WWOX: variants seen among roughly 807,000 people sequenced by gnomAD.
WWOX encodes WW domain containing oxidoreductase.
Under a neutral mutation model 46.2 loss-of-function variants are expected in WWOX, and 69 were observed. The ratio of observed to expected loss-of-function variants is 1.49; its 90% CI spans 1.23 to 1.82. The LOEUF is 1.82. Ranked by LOEUF, WWOX falls within the 40% of genes most tolerant of loss-of-function variation. The pLI, the probability that WWOX is intolerant of heterozygous loss-of-function variation, is 0.00. For missense variants in WWOX, 919 were observed against 542.6 expected (o/e 1.69, Z -6.89); for synonymous variants, 359 against 202.6 (o/e 1.77, Z -6.56).
chr16:78,416,874 G>A (rs2082809184), intron 6 of WWOX, among the ~76,000 whole-genome samples: 1 of 152,196 alleles, frequency 6.6e-6, no homozygotes, highest in Non-Finnish European at 1.5e-5. Context: ...AGTTTACAGG[G>A]GAGGACACAG....
At chr16:78,581,815 G>C (rs1396069911) in intron 8 of WWOX, among the ~76,000 whole-genome samples, 2 of 152,124 alleles carry the variant, frequency 1.3e-5, no homozygotes, top group Admixed American at 1.3e-4. Context: ...CCAACTAGTA[G>C]TGTAAGTTGA....
intron 5 of WWOX, among the ~76,000 whole-genome samples, chr16:78,182,796 C>A (rs1683492086): frequency 6.6e-6 from 1 of 151,714 alleles, no homozygotes; most frequent in Non-Finnish European, 1.5e-5. Flanking sequence ...ACTAAAAATA[C>A]AAAAATTAGC....
At chr16:78,743,603 ACTCC>A (rs2049281163) in intron 8 of WWOX, among the ~76,000 whole-genome samples, 1 of 152,072 alleles carries the variant, frequency 6.6e-6, no homozygotes, top group African/African-American at 2.4e-5. Context: ...ACCAGAGGCT[ACTCC>A]CTCTGCAACC....
intron 8 of WWOX, among the ~76,000 whole-genome samples, chr16:78,594,368 T>A (rs780391122): frequency 2.1e-5 from 3 of 144,654 alleles, no homozygotes; most frequent in Non-Finnish European, 3.0e-5. Flanking sequence ...TTGCATTTGC[T>A]GCAGCAAAAC....
chr16:78,668,535 A>T (rs188610514), intron 8 of WWOX, among the ~76,000 whole-genome samples: 1 of 152,178 alleles, frequency 6.6e-6, no homozygotes, highest in African/African-American at 2.4e-5. Context: ...GGAACAAACA[A>T]TTAGAACATT....
chr16:79,048,590 C>G (rs2048109081), intron 8 of WWOX, among the ~76,000 whole-genome samples: 1 of 152,188 alleles, frequency 6.6e-6, no homozygotes, highest in Non-Finnish European at 1.5e-5. Flanking sequence ...CTGCCATTAA[C>G]ATAACGTATG....
chr16:78,305,657 C>G (rs534183457), intron 5 of WWOX, among the ~76,000 whole-genome samples: 5 of 151,926 alleles, frequency 3.3e-5, no homozygotes, highest in African/African-American at 1.2e-4. Flanking sequence ...AATGAAAAGC[C>G]CCTTTCTTGT....
chr16:78,417,014 G>C (rs58063855), intron 6 of WWOX, among the ~76,000 whole-genome samples: 10,273 of 149,678 alleles, frequency 0.069, 1,144 homozygotes, highest in African/African-American at 0.24. Context: ...TTGTGCAGTA[G>C]CCTTGAAGTC....
intron 5 of WWOX, among the ~76,000 whole-genome samples, chr16:78,382,739 G>A (rs1028165004): frequency 2.6e-5 from 4 of 152,142 alleles, no homozygotes; most frequent in Non-Finnish European, 4.4e-5. Context: ...ACAGTTCTAT[G>A]TCTTGAATGT....
At chr16:78,644,984 C>G (rs1051673417) in intron 8 of WWOX, among the ~76,000 whole-genome samples, 1 of 152,200 alleles carries the variant, frequency 6.6e-6, no homozygotes, top group Non-Finnish European at 1.5e-5. Context: ...TTTGGTTCTA[C>G]TCTTCAATGA....
chr16:79,198,998 CTG>C (rs1484889297), intron 8 of WWOX, among the ~76,000 whole-genome samples: 1 of 152,192 alleles, frequency 6.6e-6, no homozygotes. Context: ...GCTCCTAACT[CTG>C]TCACTTGCTC....
chr16:79,197,959 A>C (rs2051272596), intron 8 of WWOX, among the ~76,000 whole-genome samples: 1 of 152,192 alleles, frequency 6.6e-6, no homozygotes, highest in Non-Finnish European at 1.5e-5. Context: ...TGGGGCAGTT[A>C]TAAATCTTCC....
intron 8 of WWOX, among the ~76,000 whole-genome samples, chr16:78,817,647 T>C (rs113374930): frequency 0.044 from 6,709 of 152,280 alleles, 189 homozygotes; most frequent in Non-Finnish European, 0.064. Context: ...TTAAGTCCTG[T>C]ACTCCTGGGT....
At chr16:78,673,783 T>C (rs1007628590) in intron 8 of WWOX, among the ~76,000 whole-genome samples, 1 of 152,220 alleles carries the variant, frequency 6.6e-6, no homozygotes, top group Non-Finnish European at 1.5e-5. Context: ...TACAACCCTT[T>C]CTTTGATGTC....
intron 7 of WWOX, 32 bp from the exon 8 acceptor site, chr16:78,432,456 G>A (rs370298271): frequency 3.2e-5 from 51 of 1,611,758 alleles, no homozygotes; most frequent in Middle Eastern, 1.6e-4. Flanking sequence ...GTCAGAACTT[G>A]GTTGCTTCAT....
intron 8 of WWOX, among the ~76,000 whole-genome samples, chr16:78,727,795 T>TG (rs2048871418): frequency 1.3e-5 from 2 of 152,100 alleles, no homozygotes; most frequent in African/African-American, 4.8e-5. Flanking sequence ...AGACAGGGAA[T>TG]GGTAGAGTGT....
chr16:78,115,922 G>C (rs759813673), intron 4 of WWOX, among the ~76,000 whole-genome samples: 6 of 152,098 alleles, frequency 3.9e-5, no homozygotes, highest in Non-Finnish European at 7.4e-5. Context: ...AGTTCTCTCT[G>C]TCCTTTTGGT....
chr16:78,318,249 T>G lies in WWOX; in HGVS notation c.517-68611T>G, dbSNP rs1257711352. ...CCCAGAAGCAGCCTACAGAAACTCT[T>G]AGGAGCCCTCCGTCTGGGAGGAATT... On this transcript the variant is annotated intron_variant, in intron 5 of 8. Coordinates refer to ENST00000566780, the MANE Select transcript of WWOX (RefSeq NM_016373.4). Among the ~76,000 whole-genome samples the G allele has an allele frequency of 2.0e-5, 3 of 149,610 alleles. No individual in the cohort carries two copies. The East Asian group carries it at 6.0e-4, about 30-fold the overall frequency.
intron 8 of WWOX, among the ~76,000 whole-genome samples, chr16:79,073,244 A>T (rs1313366200): frequency 6.6e-6 from 1 of 151,676 alleles, no homozygotes; most frequent in Non-Finnish European, 1.5e-5. Context: ...AAATGGCACG[A>T]TCGCAGCTCA....
Sources: allele counts gnomAD v4.1 joint callset (sites outside exome capture counted in the v4.1 genomes callset), GRCh38; gene constraint gnomAD v4.1.1; transcripts MANE v1.5; gene names NCBI Gene and HGNC (gene_info 2026-07-23, HGNC 2026-07-21).